The following SLC4A10 variants were observed in gnomAD, a reference collection of about 807,000 sequenced individuals.
SLC4A10 encodes solute carrier family 4 member 10.
SLC4A10 carries 42 observed loss-of-function variants against 137.7 expected under a neutral mutation model. The observed-to-expected ratio is 0.30, with a 90% CI of 0.24 to 0.39. The LOEUF is 0.39. SLC4A10 is among the 10% of genes least tolerant of loss of function. The probability of loss-of-function intolerance (pLI) is 1.00; values close to 1 mark genes in which losing one functional copy is unlikely to be tolerated. For synonymous variants in SLC4A10, 474 were observed against 464.1 expected (o/e 1.02, Z -0.27); for missense variants, 925 against 1,355.0 (o/e 0.68, Z 4.98).
At chr2:161,710,662 C>T (rs971848631) in intron 1 of SLC4A10, 6 of 453,658 alleles carry the variant, frequency 1.3e-5, no homozygotes, top group South Asian at 7.8e-5. Context: ...GTAAACTTGC[C>T]CAGTAATGAT....
At chr2:161,774,786 C>T (rs932368594) in intron 2 of SLC4A10, among the ~76,000 whole-genome samples, 8 of 151,908 alleles carry the variant, frequency 5.3e-5, no homozygotes, top group Non-Finnish European at 1.0e-4. Flanking sequence ...CTGTACCAAA[C>T]AAATTCTGCT....
At chr2:161,954,839 A>T (rs186174563) in intron 19 of SLC4A10, among the ~76,000 whole-genome samples, 48 of 152,274 alleles carry the variant, frequency 3.2e-4, no homozygotes, top group African/African-American at 1.1e-3. Flanking sequence ...TCAGAATCCC[A>T]CTGTTTACAT....
chr2:161,624,508 C>T lies in SLC4A10; in HGVS notation c.-11C>T. The T allele has an allele frequency of 1.3e-6, 2 of 1,553,208 alleles. No individual in the cohort carries two copies. The highest frequency in any genetic ancestry group is 1.2e-5 in the South Asian group (1 of 84,090). ...CAGAGCAAGGTGCTTATTCCAGAGG[C>T]GTTACAAAACATGGAGATTAAAGAC... is the stretch of plus-strand genomic sequence containing the variant. On this transcript the variant is annotated 5_prime_UTR_variant, in exon 1 of 27. Coordinates refer to ENST00000446997, the MANE Select transcript of SLC4A10 (RefSeq NM_001178015.2).
chr2:161,819,989 G>T (rs1012533409), intron 3 of SLC4A10, among the ~76,000 whole-genome samples: 2 of 152,082 alleles, frequency 1.3e-5, no homozygotes, highest in Non-Finnish European at 1.5e-5. Flanking sequence ...TCCCTGAAAA[G>T]AATCTAATAG....
chr2:161,857,680 G>A (rs1460791664), intron 5 of SLC4A10, among the ~76,000 whole-genome samples: 4 of 151,684 alleles, frequency 2.6e-5, no homozygotes, highest in Non-Finnish European at 4.4e-5. Context: ...AAATTGAGGG[G>A]CATTACTAAG....
intron 21 of SLC4A10, among the ~76,000 whole-genome samples, chr2:161,963,136 T>A (rs1697009775): frequency 6.6e-6 from 1 of 152,038 alleles, no homozygotes. Context: ...AATAAAACTA[T>A]CATGCAGTAT....
chr2:161,758,406 T>C (rs1433468979), intron 1 of SLC4A10, among the ~76,000 whole-genome samples: 1 of 151,918 alleles, frequency 6.6e-6, no homozygotes, highest in East Asian at 1.9e-4. Context: ...CCTCCTTATA[T>C]AAAAAAATCT....
intron 4 of SLC4A10, among the ~76,000 whole-genome samples, chr2:161,843,328 T>G (rs1464115835): frequency 6.6e-6 from 1 of 152,194 alleles, no homozygotes; most frequent in Non-Finnish European, 1.5e-5. Flanking sequence ...CAATAACATG[T>G]TTGTCCTAAA....
At chr2:161,847,243 A>G (rs2059555884) in intron 4 of SLC4A10, among the ~76,000 whole-genome samples, 1 of 151,880 alleles carries the variant, frequency 6.6e-6, no homozygotes, top group Admixed American at 6.6e-5. Flanking sequence ...ACTATGTCTC[A>G]AAAAAGTTTT....
intron 1 of SLC4A10, among the ~76,000 whole-genome samples, chr2:161,648,174 G>C (rs1431801047): frequency 6.7e-6 from 1 of 148,330 alleles, no homozygotes; most frequent in African/African-American, 2.5e-5. Flanking sequence ...CTAGAACTCA[G>C]ATGTCTGGAA....
chr2:161,854,132 G>C (rs900071689), intron 4 of SLC4A10, among the ~76,000 whole-genome samples: 1 of 152,096 alleles, frequency 6.6e-6, no homozygotes, highest in African/African-American at 2.4e-5. Flanking sequence ...TAGGCAAGAA[G>C]ATTTAGGCTA....
At chr2:161,907,070 A>C (rs1437182495) in intron 15 of SLC4A10, among the ~76,000 whole-genome samples, 2 of 68,380 alleles carry the variant, frequency 2.9e-5, no homozygotes, top group African/African-American at 1.2e-4. Flanking sequence ...AAAAAAAAAA[A>C]AAAAAAAAAA....
At chr2:161,649,537 A>C (rs900248632) in intron 1 of SLC4A10, among the ~76,000 whole-genome samples, 3 of 152,112 alleles carry the variant, frequency 2.0e-5, no homozygotes, top group Non-Finnish European at 4.4e-5. Context: ...GATTCTTAAG[A>C]CTTATAGATT....
intron 3 of SLC4A10, among the ~76,000 whole-genome samples, chr2:161,820,913 G>A (rs1202292948): frequency 6.6e-6 from 1 of 152,164 alleles, no homozygotes; most frequent in Non-Finnish European, 1.5e-5. Context: ...AATAAAGTGT[G>A]AGAACTTATG....
At chr2:161,795,312 A>G (rs1409796993) in intron 2 of SLC4A10, among the ~76,000 whole-genome samples, 1 of 152,190 alleles carries the variant, frequency 6.6e-6, no homozygotes, top group Non-Finnish European at 1.5e-5. Context: ...TACTGAGAAT[A>G]TAAACATGAT....
At chr2:161,786,622 A>T (rs924144155) in intron 2 of SLC4A10, among the ~76,000 whole-genome samples, 9 of 151,292 alleles carry the variant, frequency 5.9e-5, no homozygotes, top group African/African-American at 2.2e-4. Flanking sequence ...GACATAAAAG[A>T]GTATACTCAT....
chr2:161,785,843 G>A (rs909505342), intron 2 of SLC4A10, among the ~76,000 whole-genome samples: 4 of 151,808 alleles, frequency 2.6e-5, no homozygotes, highest in Admixed American at 6.6e-5. Flanking sequence ...TAGGAAGAGC[G>A]ATTAGGCAAG....
At chr2:161,719,962 C>G (rs893495482) in intron 1 of SLC4A10, among the ~76,000 whole-genome samples, 5 of 152,146 alleles carry the variant, frequency 3.3e-5, no homozygotes, top group African/African-American at 1.2e-4. Flanking sequence ...GACATGAAGT[C>G]CTTGCCCATG....
chr2:161,775,332 C>G (rs1559222215), intron 2 of SLC4A10, among the ~76,000 whole-genome samples: 1 of 151,746 alleles, frequency 6.6e-6, no homozygotes, highest in Admixed American at 6.6e-5. Flanking sequence ...AAAGGAGTAC[C>G]AGGGGTAGTT....
Sources: gnomAD v4.1 joint callset for allele counts (sites outside exome capture counted in the v4.1 genomes callset) on GRCh38, gnomAD v4.1.1 for gene constraint, MANE v1.5 for transcripts, NCBI Gene and HGNC (gene_info 2026-07-23, HGNC 2026-07-21) for gene names.